ZC3H12B: variants seen among roughly 807,000 people sequenced by gnomAD.
ZC3H12B encodes the protein zinc finger CCCH-type containing 12B, also known as probable ribonuclease ZC3H12B.
In ZC3H12B, 7 loss-of-function variants were observed where a neutral mutation model predicts 43.9. That is an observed-to-expected ratio of 0.16 (90% CI 0.09 to 0.30). The LOEUF (loss-of-function observed/expected upper bound fraction) is 0.30, where lower values mean the gene tolerates loss of function less well. Ranked by LOEUF, ZC3H12B falls within the 10% of genes least tolerant of loss-of-function variation. The pLI is 1.00. For synonymous variants in ZC3H12B, 222 were observed against 241.7 expected (o/e 0.92, Z 0.76); for missense variants, 475 against 670.2 (o/e 0.71, Z 3.22).
the ZC3H12B span, among the ~76,000 whole-genome samples, chrX:65,140,728 T>C: frequency 8.9e-6 from 1 of 112,051 alleles, no homozygotes; most frequent in Non-Finnish European, 1.9e-5. Context: ...ATAATTTTTA[T>C]TAGTGATTTA....
At chrX:65,269,920 G>A in the ZC3H12B span, among the ~76,000 whole-genome samples, 1 of 111,609 alleles carries the variant, frequency 9.0e-6, no homozygotes, top group Non-Finnish European at 1.9e-5. Context: ...TCATGTTCAT[G>A]GATAGTAAGA....
chrX:65,460,454 A>G (rs2067722566), intron 3 of ZC3H12B, among the ~76,000 whole-genome samples: 1 of 112,028 alleles, frequency 8.9e-6, no homozygotes, highest in Non-Finnish European at 1.9e-5. Context: ...CCTAACTTCA[A>G]ACTATACTAC....
chrX:65,378,960 C>T (rs1224420281), intron 2 of ZC3H12B, among the ~76,000 whole-genome samples: 1 of 112,413 alleles, frequency 8.9e-6, no homozygotes, highest in Non-Finnish European at 1.9e-5. Flanking sequence ...GGGTCCTATG[C>T]CCACGGAGTC....
At chrX:65,247,217 TATTA>T in the ZC3H12B span, among the ~76,000 whole-genome samples, 1 of 112,105 alleles carries the variant, frequency 8.9e-6, no homozygotes, top group East Asian at 2.8e-4. Context: ...GAATGACTAT[TATTA>T]AAAAGTCAAA....
chrX:65,233,008 A>T, the ZC3H12B span, among the ~76,000 whole-genome samples: 6 of 112,359 alleles, frequency 5.3e-5, no homozygotes, highest in Non-Finnish European at 9.4e-5. Context: ...GATGTGATTT[A>T]TATAATGATA....
At chrX:65,447,553 C>A (rs1310755002) in intron 3 of ZC3H12B, among the ~76,000 whole-genome samples, 1 of 111,720 alleles carries the variant, frequency 9.0e-6, no homozygotes, top group African/African-American at 3.2e-5. Flanking sequence ...ACTAAGACCC[C>A]AAAAGCAAAT....
the ZC3H12B span, among the ~76,000 whole-genome samples, chrX:65,142,955 T>C: frequency 8.9e-6 from 1 of 112,169 alleles, no homozygotes; most frequent in Non-Finnish European, 1.9e-5. Context: ...TTTTTTCTTT[T>C]TTACTTAGTC....
chrX:65,131,540 C>T, the ZC3H12B span, among the ~76,000 whole-genome samples: 1 of 110,956 alleles, frequency 9.0e-6, no homozygotes, highest in Non-Finnish European at 1.9e-5. Flanking sequence ...CTTCTAGGGC[C>T]GTTTTTACAG....
chrX:65,130,857 C>T, the ZC3H12B span, among the ~76,000 whole-genome samples: 1 of 111,781 alleles, frequency 8.9e-6, no homozygotes, highest in Admixed American at 9.5e-5. Context: ...GGAATGCTAG[C>T]TGCTTTTTTA....
At chrX:65,441,808 C>T (rs753507968) in intron 3 of ZC3H12B, among the ~76,000 whole-genome samples, 8 of 110,913 alleles carry the variant, frequency 7.2e-5, no homozygotes, top group Admixed American at 2.9e-4. Context: ...TGCGGCACTA[C>T]CAGCTGTGGC....
At chrX:65,403,267 C>A (rs1449024203) in intron 3 of ZC3H12B, among the ~76,000 whole-genome samples, 13 of 111,463 alleles carry the variant, frequency 1.2e-4, no homozygotes, top group African/African-American at 3.6e-4. Context: ...TTTGAAAATA[C>A]ACTGCTAGGG....
the ZC3H12B span, among the ~76,000 whole-genome samples, chrX:65,290,148 A>G: frequency 9.0e-6 from 1 of 111,035 alleles, no homozygotes; most frequent in African/African-American, 3.3e-5. Context: ...AAACACAAAT[A>G]ATTCCATTTA....
chrX:65,331,373 A>T, the ZC3H12B span: 1 of 111,482 alleles, frequency 9.0e-6, no homozygotes, highest in Non-Finnish European at 1.9e-5. Context: ...AGATAAGTGA[A>T]ATAAGCCAAA....
At chrX:65,126,451 A>G in the ZC3H12B span, among the ~76,000 whole-genome samples, 65 of 110,881 alleles carry the variant, frequency 5.9e-4, no homozygotes, top group African/African-American at 2.1e-3. Flanking sequence ...AGATAACCTG[A>G]TGTCTGTGTG....
chrX:65,168,757 G>A, the ZC3H12B span, among the ~76,000 whole-genome samples: 1 of 111,224 alleles, frequency 9.0e-6, no homozygotes, highest in Non-Finnish European at 1.9e-5. Flanking sequence ...CTTCTTCGTG[G>A]TTTAGTCTTT....
chrX:65,421,674 G>A (rs1338239234), intron 3 of ZC3H12B, among the ~76,000 whole-genome samples: 1 of 112,434 alleles, frequency 8.9e-6, no homozygotes, highest in African/African-American at 3.2e-5. Flanking sequence ...AAGAAGTGCA[G>A]CAACGGGCCA....
chrX:65,451,051 G>A (rs977245287), intron 3 of ZC3H12B, among the ~76,000 whole-genome samples: 3 of 107,874 alleles, frequency 2.8e-5, no homozygotes, highest in East Asian at 5.8e-4. Flanking sequence ...GGGTTCAAGC[G>A]ATTCTTCTGC....
chrX:65,352,130 T>C, the ZC3H12B span, among the ~76,000 whole-genome samples: 1 of 112,306 alleles, frequency 8.9e-6, no homozygotes, highest in Non-Finnish European at 1.9e-5. Flanking sequence ...TGGAATACTA[T>C]GCAGCCATAA....
chrX:65,302,547 G>A, the ZC3H12B span, among the ~76,000 whole-genome samples: 1 of 112,070 alleles, frequency 8.9e-6, no homozygotes, highest in African/African-American at 3.2e-5. Flanking sequence ...TTATGTTTAT[G>A]GATAGTAAGA....
Sources: allele counts gnomAD v4.1 joint callset (sites outside exome capture counted in the v4.1 genomes callset), GRCh38; gene constraint gnomAD v4.1.1; transcripts MANE v1.5; gene names NCBI Gene and HGNC (gene_info 2026-07-23, HGNC 2026-07-21).